ARB2A: variants seen among roughly 807,000 people sequenced by gnomAD.
ARB2A encodes ARB2 cotranscriptional regulator A, also known as cotranscriptional regulator ARB2A.
At chr5:93,814,259 T>C in the ARB2A span, among the ~76,000 whole-genome samples, 1 of 152,170 alleles carries the variant, frequency 6.6e-6, no homozygotes, top group African/African-American at 2.4e-5. Context: ...ACTCATTGTA[T>C]GTCCAGCCAG....
chr5:94,061,698 A>C, the ARB2A span, among the ~76,000 whole-genome samples: 1 of 152,224 alleles, frequency 6.6e-6, no homozygotes, highest in Non-Finnish European at 1.5e-5. Context: ...ACCATTTATA[A>C]TCACTCCAAA....
At chr5:93,671,127 T>C in the ARB2A span, among the ~76,000 whole-genome samples, 1 of 152,182 alleles carries the variant, frequency 6.6e-6, no homozygotes, top group East Asian at 1.9e-4. Flanking sequence ...ATATTTTCCA[T>C]ATATTTTATT....
chr5:93,707,793 T>C, the ARB2A span, among the ~76,000 whole-genome samples: 1 of 152,142 alleles, frequency 6.6e-6, no homozygotes, highest in Admixed American at 6.5e-5. Context: ...CAGGCTGGTC[T>C]TGTACTCCTG....
chr5:93,927,747 G>T, the ARB2A span, among the ~76,000 whole-genome samples: 1 of 151,998 alleles, frequency 6.6e-6, no homozygotes, highest in East Asian at 1.9e-4. Flanking sequence ...TCTTATTAGA[G>T]AATTGACAAA....
the ARB2A span, among the ~76,000 whole-genome samples, chr5:93,688,123 G>A: frequency 2.0e-5 from 3 of 152,128 alleles, no homozygotes; most frequent in Admixed American, 1.3e-4. Flanking sequence ...ACAGGCGTGC[G>A]CCACCATACC....
At chr5:94,021,720 G>C in the ARB2A span, among the ~76,000 whole-genome samples, 103 of 152,246 alleles carry the variant, frequency 6.8e-4, no homozygotes, top group Middle Eastern at 3.4e-3. Flanking sequence ...TATAAGGTAT[G>C]GTTCTACAGA....
At chr5:93,928,784 G>T in the ARB2A span, among the ~76,000 whole-genome samples, 1 of 152,130 alleles carries the variant, frequency 6.6e-6, no homozygotes, top group East Asian at 1.9e-4. Context: ...TCCAAATTTA[G>T]ATAAGGGAGT....
the ARB2A span, among the ~76,000 whole-genome samples, chr5:93,856,428 G>T: frequency 8.1e-4 from 123 of 152,254 alleles, 1 homozygote; most frequent in Middle Eastern, 0.01. Flanking sequence ...CCAATCAGAC[G>T]TAGATTTGGT....
the ARB2A span, among the ~76,000 whole-genome samples, chr5:93,905,178 T>C: frequency 6.6e-5 from 10 of 151,718 alleles, no homozygotes; most frequent in African/African-American, 2.4e-4. Flanking sequence ...GTGAATACAG[T>C]AGACAGTTTC....
chr5:94,001,436 T>A, the ARB2A span, among the ~76,000 whole-genome samples: 6 of 152,048 alleles, frequency 3.9e-5, no homozygotes, highest in African/African-American at 1.4e-4. Flanking sequence ...CTCTCTTCCG[T>A]CTGTTTCATT....
the ARB2A span, among the ~76,000 whole-genome samples, chr5:93,779,888 C>T: frequency 6.6e-6 from 1 of 152,112 alleles, no homozygotes; most frequent in Non-Finnish European, 1.5e-5. Flanking sequence ...TTAGAAATGC[C>T]TACAGGCCCC....
chr5:93,734,597 T>G, the ARB2A span: 1 of 152,182 alleles, frequency 6.6e-6, no homozygotes, highest in Admixed American at 6.5e-5. Context: ...CCAAAATGTT[T>G]GATAATGAAA....
At chr5:93,931,043 T>C in the ARB2A span, among the ~76,000 whole-genome samples, 2 of 152,184 alleles carry the variant, frequency 1.3e-5, no homozygotes, top group African/African-American at 4.8e-5. Context: ...TGTCCATGTG[T>C]TCTCACTGTT....
At chr5:93,825,285 T>C in the ARB2A span, among the ~76,000 whole-genome samples, 1 of 121,632 alleles carries the variant, frequency 8.2e-6, no homozygotes, top group Non-Finnish European at 1.7e-5. Flanking sequence ...TCATCACTTA[T>C]CTCATCAATT....
At chr5:93,989,928 A>G in the ARB2A span, among the ~76,000 whole-genome samples, 5 of 152,092 alleles carry the variant, frequency 3.3e-5, no homozygotes, top group Non-Finnish European at 5.9e-5. Context: ...GTTAAAGCAA[A>G]CATTTATAAC....
chr5:94,042,976 C>CT, the ARB2A span, among the ~76,000 whole-genome samples: 3 of 151,996 alleles, frequency 2.0e-5, no homozygotes, highest in African/African-American at 7.2e-5. Flanking sequence ...AACCAAATTT[C>CT]TTTGTCAATC....
At chr5:93,873,710 T>C in the ARB2A span, among the ~76,000 whole-genome samples, 14 of 152,182 alleles carry the variant, frequency 9.2e-5, no homozygotes, top group African/African-American at 3.4e-4. Context: ...AGAAAATGCA[T>C]ATAATAGTGA....
chr5:94,021,958 C>A, the ARB2A span, among the ~76,000 whole-genome samples: 1 of 152,130 alleles, frequency 6.6e-6, no homozygotes, highest in Non-Finnish European at 1.5e-5. Context: ...GTAGTCCCAG[C>A]TACTAGGGAG....
the ARB2A span, among the ~76,000 whole-genome samples, chr5:93,993,061 T>A: frequency 6.6e-6 from 1 of 152,026 alleles, no homozygotes; most frequent in African/African-American, 2.4e-5. Context: ...AATGAACACA[T>A]GCGAAGGAGA....
Sources: gnomAD v4.1 joint callset for allele counts (sites outside exome capture counted in the v4.1 genomes callset) on GRCh38, gnomAD v4.1.1 for gene constraint, MANE v1.5 for transcripts, NCBI Gene and HGNC (gene_info 2026-07-23, HGNC 2026-07-21) for gene names.